Variants in CUL5 observed in about 807,000 individuals in gnomAD.
CUL5 encodes the protein cullin 5.
In CUL5, 26 loss-of-function variants were observed where a neutral mutation model predicts 108.8. The observed-to-expected ratio is 0.24, with a 90% CI of 0.18 to 0.33. The LOEUF is 0.33. Ranked by LOEUF, CUL5 falls within the 10% of genes least tolerant of loss-of-function variation. The pLI, the probability that CUL5 is intolerant of heterozygous loss-of-function variation, is 1.00. For missense variants in CUL5, 524 were observed against 909.2 expected (o/e 0.58, Z 5.45); for synonymous variants, 334 against 298.0 (o/e 1.12, Z -1.25).
chr11:108,056,950 TAGTG>T (rs1397115979), intron 7 of CUL5, among the ~76,000 whole-genome samples: 7 of 152,048 alleles, frequency 4.6e-5, no homozygotes, highest in Admixed American at 2.6e-4. Context: ...AAATAAGTCT[TAGTG>T]AGGGAGAAAG....
chr11:108,051,197 T>C (rs1863211902), intron 4 of CUL5, among the ~76,000 whole-genome samples: 1 of 152,114 alleles, frequency 6.6e-6, no homozygotes, highest in East Asian at 1.9e-4. Context: ...ATATGGGAAA[T>C]TTGTGCCAAG....
intron 18 of CUL5, 132 bp from the exon 19 acceptor site, chr11:108,104,058 C>T: frequency 1.7e-6 from 1 of 579,892 alleles, no homozygotes; most frequent in Non-Finnish European, 3.0e-6. Context: ...AACATTAATC[C>T]CCTAGTGATT....
chr11:108,081,899 C>T (rs115391635), intron 11 of CUL5, among the ~76,000 whole-genome samples: 1 of 152,180 alleles, frequency 6.6e-6, no homozygotes, highest in African/African-American at 2.4e-5. Flanking sequence ...AAGATGTGTG[C>T]ATGTTTCAAG....
intron 7 of CUL5, among the ~76,000 whole-genome samples, chr11:108,065,264 C>G (rs1261087368): frequency 2.0e-5 from 3 of 152,096 alleles, no homozygotes; most frequent in East Asian, 1.9e-4. Context: ...ACCTCATGAT[C>G]TGCCCACCTC....
chr11:108,093,963 A>G (rs1193145631), intron 13 of CUL5, among the ~76,000 whole-genome samples: 2 of 152,234 alleles, frequency 1.3e-5, no homozygotes, highest in African/African-American at 4.8e-5. Context: ...TCAGCCTCCC[A>G]AAGTGCTAGG....
chr11:108,060,332 C>T (rs1390561278), intron 7 of CUL5, among the ~76,000 whole-genome samples: 2 of 152,138 alleles, frequency 1.3e-5, no homozygotes, highest in African/African-American at 4.8e-5. Flanking sequence ...TTACAGATAT[C>T]CTTGTATGGT....
At chr11:108,022,897 A>G (rs1862360672) in intron 1 of CUL5, among the ~76,000 whole-genome samples, 2 of 152,256 alleles carry the variant, frequency 1.3e-5, no homozygotes, top group South Asian at 4.1e-4. Context: ...TTTCTTATGG[A>G]CTTTTTAGTT....
intron 12 of CUL5, 147 bp from the exon 13 acceptor site, chr11:108,089,345 T>G: frequency 2.1e-6 from 1 of 480,588 alleles, no homozygotes; most frequent in Non-Finnish European, 3.6e-6. Context: ...ACTGGGTATT[T>G]CTCAGAGATG....
At chr11:108,092,615 T>A (rs1368738171) in intron 13 of CUL5, among the ~76,000 whole-genome samples, 1 of 152,166 alleles carries the variant, frequency 6.6e-6, no homozygotes, top group Non-Finnish European at 1.5e-5. Context: ...ATCGTATGAT[T>A]CCACTAATGT....
intron 2 of CUL5, among the ~76,000 whole-genome samples, chr11:108,043,424 A>G (rs768859423): frequency 2.0e-5 from 3 of 152,196 alleles, no homozygotes; most frequent in Admixed American, 6.5e-5. Context: ...ATGAGACTGT[A>G]TAGGTATGCA....
At chr11:108,047,108 A>G (rs1863086914) in intron 3 of CUL5, among the ~76,000 whole-genome samples, 1 of 152,112 alleles carries the variant, frequency 6.6e-6, no homozygotes. Flanking sequence ...GCTTGAGTCA[A>G]AGAGTTTGAT....
chr11:108,083,285 A>G (rs991515768), intron 11 of CUL5, among the ~76,000 whole-genome samples: 1 of 152,182 alleles, frequency 6.6e-6, no homozygotes, highest in Non-Finnish European at 1.5e-5. Flanking sequence ...TGGTAGATAT[A>G]CTATAGCTTA....
chr11:108,037,019 T>G (rs1018344499), intron 2 of CUL5, among the ~76,000 whole-genome samples: 1 of 152,100 alleles, frequency 6.6e-6, no homozygotes, highest in Non-Finnish European at 1.5e-5. Context: ...TATTATTTTT[T>G]CCTATTTAGA....
Position 108,088,807 on chromosome 11 carries a change from C to T in CUL5, c.1311+148C>T, listed in dbSNP as rs373931964. On this transcript the variant is annotated intron_variant, in intron 12 of 18. Coordinates refer to ENST00000393094, the MANE Select transcript of CUL5 (RefSeq NM_003478.6). ...CGAAGATTTGCAGTGCAAGACCTCT[C>T]GGGGGGTTATTTTTCTTTCTGAAAA... 388 of 537,866 alleles carry T rather than the reference C, an allele frequency of 7.2e-4. 1 individual carries two copies. Among genetic ancestry groups the T allele is most frequent in the African/African-American group, 7.1e-3 (358 of 50,516 alleles). 33.3% of individuals were successfully genotyped at this position (537,866 alleles called of 1,614,324 possible).
chr11:108,072,023 A>G (rs1297364875), intron 8 of CUL5, among the ~76,000 whole-genome samples: 1 of 152,120 alleles, frequency 6.6e-6, no homozygotes, highest in East Asian at 1.9e-4. Context: ...CAAAATTACA[A>G]AAAACATTAG....
At chr11:108,056,394 C>T (rs1389313670) in intron 7 of CUL5, among the ~76,000 whole-genome samples, 2 of 152,024 alleles carry the variant, frequency 1.3e-5, no homozygotes, top group African/African-American at 2.4e-5. Flanking sequence ...AAGTGGTAGT[C>T]GTGTTTATTT....
chr11:108,088,298 G>C (rs1252079931), intron 11 of CUL5, among the ~76,000 whole-genome samples: 1 of 152,152 alleles, frequency 6.6e-6, no homozygotes, highest in African/African-American at 2.4e-5. Flanking sequence ...CAAAATTGAA[G>C]AAGGTTCTTA....
At chr11:108,077,190 G>T (rs922734494) in intron 10 of CUL5, among the ~76,000 whole-genome samples, 9 of 152,222 alleles carry the variant, frequency 5.9e-5, no homozygotes, top group African/African-American at 2.2e-4. Flanking sequence ...TCTTTCATGA[G>T]AAGGGAGAAA....
chr11:108,010,600 T>C (rs1862037254), intron 1 of CUL5, among the ~76,000 whole-genome samples: 1 of 152,240 alleles, frequency 6.6e-6, no homozygotes, highest in Non-Finnish European at 1.5e-5. Context: ...GCCTGTATCA[T>C]AGGAACATTG....
Sources: allele counts gnomAD v4.1 joint callset (sites outside exome capture counted in the v4.1 genomes callset), GRCh38; gene constraint gnomAD v4.1.1; transcripts MANE v1.5; gene names NCBI Gene and HGNC (gene_info 2026-07-23, HGNC 2026-07-21).